TASP1: variants seen among roughly 807,000 people sequenced by gnomAD.
The protein encoded by TASP1 is threonine aspartase 1.
TASP1 carries 16 observed loss-of-function variants against 56.6 expected under a neutral mutation model. The ratio of observed to expected loss-of-function variants is 0.28; its 90% CI spans 0.19 to 0.43. The LOEUF (loss-of-function observed/expected upper bound fraction) is 0.43. Among genes scored for constraint, TASP1 ranks in the 20% least tolerant of loss-of-function variants. The probability of loss-of-function intolerance (pLI) is 1.00; values close to 1 mark genes in which losing one functional copy is unlikely to be tolerated. For missense variants in TASP1, 393 were observed against 511.6 expected, an observed-to-expected ratio of 0.77 and a Z score of 2.24; for synonymous variants, 179 against 184.2, an observed-to-expected ratio of 0.97 and a Z score of 0.23.
chr20:13,621,270 A>AT (rs1300986636), intron 4 of TASP1, among the ~76,000 whole-genome samples: 11 of 151,988 alleles, frequency 7.2e-5, no homozygotes, highest in Non-Finnish European at 1.6e-4. Context: ...CTTAAAAAAA[A>AT]AAATACAAAA....
chr20:13,372,478 T>C, the TASP1 span, among the ~76,000 whole-genome samples: 1 of 151,856 alleles, frequency 6.6e-6, no homozygotes, highest in African/African-American at 2.4e-5. Context: ...AGCCAAATCC[T>C]TATTTTATAT....
At chr20:13,462,400 T>A (rs1376986983) in intron 11 of TASP1, among the ~76,000 whole-genome samples, 1 of 152,212 alleles carries the variant, frequency 6.6e-6, no homozygotes, top group Non-Finnish European at 1.5e-5. Flanking sequence ...TGGGACAGCA[T>A]GGCTTTTGAC....
chr20:13,556,845 G>A (rs1198706485), intron 8 of TASP1, among the ~76,000 whole-genome samples: 1 of 152,148 alleles, frequency 6.6e-6, no homozygotes, highest in Non-Finnish European at 1.5e-5. Context: ...TCTTCATTCA[G>A]ACTCTCACAT....
intron 13 of TASP1, among the ~76,000 whole-genome samples, chr20:13,409,203 G>C (rs773529427): frequency 6.6e-6 from 1 of 151,862 alleles, no homozygotes; most frequent in Non-Finnish European, 1.5e-5. Flanking sequence ...TTATGAACTT[G>C]AAAATAATAA....
the TASP1 span, among the ~76,000 whole-genome samples, chr20:13,176,936 A>G: frequency 1.7e-4 from 26 of 152,338 alleles, no homozygotes; most frequent in Middle Eastern, 6.8e-3. Flanking sequence ...GGAAAACTAC[A>G]AAACAATGAT....
At chr20:13,393,563 T>C (rs2123583683) in intron 13 of TASP1, 1 of 838,584 alleles carries the variant, frequency 1.2e-6, no homozygotes, top group East Asian at 2.4e-5. Flanking sequence ...ATGCTGGGGC[T>C]GGCAATGCCC....
At chr20:13,197,113 T>C in the TASP1 span, among the ~76,000 whole-genome samples, 3 of 152,214 alleles carry the variant, frequency 2.0e-5, no homozygotes, top group Non-Finnish European at 4.4e-5. Context: ...TGAGCTAGAC[T>C]ACATCCCCCT....
At chr20:13,476,481 T>C (rs556675671) in intron 11 of TASP1, among the ~76,000 whole-genome samples, 2 of 152,322 alleles carry the variant, frequency 1.3e-5, no homozygotes, top group South Asian at 2.1e-4. Context: ...TTTCACAAAA[T>C]TGCCCAGAAT....
the TASP1 span, among the ~76,000 whole-genome samples, chr20:13,192,314 A>T: frequency 1.3e-5 from 2 of 152,294 alleles, no homozygotes; most frequent in Non-Finnish European, 2.9e-5. Flanking sequence ...GAGAGGGTGG[A>T]TAGCTTGAGC....
chr20:13,344,361 G>A, the TASP1 span, among the ~76,000 whole-genome samples: 1 of 152,100 alleles, frequency 6.6e-6, no homozygotes, highest in South Asian at 2.1e-4. Context: ...TTTGGAATTA[G>A]ACTTTTCAGA....
chr20:13,521,434 C>G lies in TASP1; in HGVS notation c.874+6999G>C, dbSNP rs559468172. Among the ~76,000 whole-genome samples the G allele has an allele frequency of 4.2e-3, 633 of 152,234 alleles. 3 individuals are homozygous for G. Among genetic ancestry groups the G allele is most frequent in the Non-Finnish European group, 4.1e-3 (280 of 68,020 alleles). On this transcript the variant is annotated intron_variant, in intron 10 of 13. Transcript: ENST00000337743. Reference sequence around the variant, plus strand: ...TGTGGCACATATACACCATGGAATACTATGCAGCCATAAAAAAGGATGAGT... The same window carrying G: ...TGTGGCACATATACACCATGGAATAGTATGCAGCCATAAAAAAGGATGAGT...
At chr20:13,159,917 A>G in the TASP1 span, 87 of 1,426,668 alleles carry the variant, frequency 6.1e-5, no homozygotes, top group African/African-American at 7.1e-5. Flanking sequence ...GAAAAAATCA[A>G]TTAGCCATAT....
At chr20:13,386,349 G>A (rs925532814), downstream of TASP1, among the ~76,000 whole-genome samples, 6 of 152,088 alleles carry the variant, frequency 3.9e-5, no homozygotes, top group Admixed American at 1.3e-4. Flanking sequence ...AGTCTGTAGG[G>A]TGTTTATTAA....
At chr20:13,195,264 C>T in the TASP1 span, among the ~76,000 whole-genome samples, 1 of 152,208 alleles carries the variant, frequency 6.6e-6, no homozygotes, top group Non-Finnish European at 1.5e-5. Context: ...ATTATACACA[C>T]TGGGCAGCTG....
chr20:13,542,277 AATAG>A (rs2045652244), intron 8 of TASP1, among the ~76,000 whole-genome samples: 1 of 152,194 alleles, frequency 6.6e-6, no homozygotes, highest in Non-Finnish European at 1.5e-5. Context: ...AGAAAGCATT[AATAG>A]AGATACAGGG....
the TASP1 span, among the ~76,000 whole-genome samples, chr20:13,131,222 C>T: frequency 6.6e-6 from 1 of 152,140 alleles, no homozygotes; most frequent in Non-Finnish European, 1.5e-5. Flanking sequence ...TTTGAACTCC[C>T]AGTCTTGATC....
At chr20:13,621,172 G>C (rs951372299) in intron 4 of TASP1, among the ~76,000 whole-genome samples, 1 of 151,802 alleles carries the variant, frequency 6.6e-6, no homozygotes, top group African/African-American at 2.4e-5. Context: ...GCCTGTAATC[G>C]CAGCACTTTG....
chr20:13,293,585 A>G, the TASP1 span, among the ~76,000 whole-genome samples: 443 of 152,118 alleles, frequency 2.9e-3, 1 homozygote, highest in African/African-American at 7.0e-3. Flanking sequence ...GGGTCAGGTA[A>G]TGGGGTCAGG....
In TASP1 at chr20:13,498,331, TTGTGTGTGTGTG is replaced by T. The variant is rs60099056; in HGVS notation, c.875-15006_875-14995del. 7.3e-3 allele frequency among the ~76,000 whole-genome samples: 990 copies of T among 135,110 alleles called. 6 individuals are homozygous for T. Among genetic ancestry groups the T allele is most frequent in the East Asian group, 0.045 (203 of 4,518 alleles). The allele number at this position is 135,110 out of a possible 152,430, so 88.6% of individuals were successfully genotyped here. Reference sequence around the variant, plus strand: ...ATGAACAAACACTTTTTCTTTTCTTTTGTGTGTGTGTGTGTGTGTGTGTGTGTGTGTGTGTGT... The same window carrying T: ...ATGAACAAACACTTTTTCTTTTCTTTTGTGTGTGTGTGTGTGTGTGTGTGT... On this transcript the variant is annotated intron_variant, in intron 10 of 13. Coordinates refer to ENST00000337743, the MANE Select transcript of TASP1 (RefSeq NM_017714.3).
Sources: gnomAD v4.1 joint callset for allele counts (sites outside exome capture counted in the v4.1 genomes callset) on GRCh38, gnomAD v4.1.1 for gene constraint, MANE v1.5 for transcripts, NCBI Gene and HGNC (gene_info 2026-07-23, HGNC 2026-07-21) for gene names.